Variants in LINGO2 observed in about 807,000 individuals in gnomAD.
LINGO2 encodes the protein leucine rich repeat and Ig domain containing 2.
Under a neutral mutation model 30.6 loss-of-function variants are expected in LINGO2, and 14 were observed. That is an observed-to-expected ratio of 0.46 (90% CI 0.30 to 0.72). LINGO2 has a LOEUF of 0.72. Among genes scored for constraint, LINGO2 ranks in the 30% least tolerant of loss-of-function variants. The pLI is 0.07. For synonymous variants in LINGO2, 317 were observed against 288.5 expected (o/e 1.10, Z -1.00); for missense variants, 729 against 751.7 (o/e 0.97, Z 0.35).
chr9:28,871,971 T>A, the LINGO2 span, among the ~76,000 whole-genome samples: 1 of 152,044 alleles, frequency 6.6e-6, no homozygotes, highest in African/African-American at 2.4e-5. Context: ...CACCAAGATG[T>A]CTTTTACTTG....
rs571931426 is a variant in LINGO2 at position 28,102,589 on chromosome 9, G to A, written c.-86-90184C>T. 2.7e-5 allele frequency among the ~76,000 whole-genome samples: 4 copies of A among 147,494 alleles called. No homozygotes were observed. The South Asian group carries it at 8.4e-4, about 31-fold the overall frequency. ...ATGTGAGAGACTGCAGCTGGGAAGG[G>A]AAAGGGGTTATTAAAAAAAAAATTG... is the stretch of plus-strand genomic sequence containing the variant. On this transcript the variant is annotated intron_variant, in intron 4 of 5. Coordinates refer to ENST00000379992, the Ensembl canonical transcript of LINGO2.
At chr9:28,556,960 C>G (rs1822738759) in intron 1 of LINGO2, among the ~76,000 whole-genome samples, 1 of 152,058 alleles carries the variant, frequency 6.6e-6, no homozygotes, top group Non-Finnish European at 1.5e-5. Context: ...AAAGCTGAAA[C>G]TAGATCCCTT....
chr9:28,516,041 C>T (rs1820606281), intron 1 of LINGO2, among the ~76,000 whole-genome samples: 1 of 152,172 alleles, frequency 6.6e-6, no homozygotes, highest in Admixed American at 6.5e-5. Flanking sequence ...TTGTTGAAGG[C>T]TCACATGATT....
At chr9:28,449,525 TA>T (rs1432240077) in intron 2 of LINGO2, among the ~76,000 whole-genome samples, 8 of 152,128 alleles carry the variant, frequency 5.3e-5, no homozygotes, top group African/African-American at 1.4e-4. Flanking sequence ...AAAAACAAAG[TA>T]AAATGCTATT....
intron 4 of LINGO2, among the ~76,000 whole-genome samples, chr9:28,099,058 C>T (rs1436380555): frequency 2.0e-5 from 3 of 152,142 alleles, no homozygotes; most frequent in African/African-American, 7.2e-5. Context: ...AAACATTATG[C>T]TAATAGCATA....
the LINGO2 span, among the ~76,000 whole-genome samples, chr9:29,022,785 C>A: frequency 0.022 from 3,315 of 152,172 alleles, 117 homozygotes; most frequent in African/African-American, 0.074. Context: ...TCAAAGAGTT[C>A]TCTCTCCCTT....
chr9:28,303,701 AG>A (rs1824235296), intron 3 of LINGO2, among the ~76,000 whole-genome samples: 1 of 152,140 alleles, frequency 6.6e-6, no homozygotes, highest in Admixed American at 6.6e-5. Context: ...AGGAAGAAAA[AG>A]GTATTTACTC....
chr9:28,566,519 C>T (rs1823390245), intron 1 of LINGO2, among the ~76,000 whole-genome samples: 1 of 152,080 alleles, frequency 6.6e-6, no homozygotes, highest in Non-Finnish European at 1.5e-5. Flanking sequence ...ATGTCACGTA[C>T]ATTTGTGTGC....
chr9:28,071,409 G>A (rs751888927), intron 4 of LINGO2, among the ~76,000 whole-genome samples: 1 of 151,728 alleles, frequency 6.6e-6, no homozygotes, highest in Non-Finnish European at 1.5e-5. Context: ...TTCTACTGTT[G>A]GTACCTTTTC....
At chr9:28,695,760 AAAAG>A in the LINGO2 span, among the ~76,000 whole-genome samples, 3 of 151,942 alleles carry the variant, frequency 2.0e-5, no homozygotes, top group South Asian at 6.2e-4. Flanking sequence ...AAAAAAAAAA[AAAAG>A]AAGAATGAGA....
chr9:28,224,882 C>T (rs749342988), intron 4 of LINGO2, among the ~76,000 whole-genome samples: 2 of 152,034 alleles, frequency 1.3e-5, no homozygotes, highest in African/African-American at 4.8e-5. Context: ...AAATATACTA[C>T]TAAGCTATAG....
the LINGO2 span, among the ~76,000 whole-genome samples, chr9:29,175,974 G>C: frequency 2.0e-5 from 3 of 151,920 alleles, no homozygotes; most frequent in African/African-American, 7.3e-5. Flanking sequence ...CCTCTACCTT[G>C]GTATTTATTC....
At chr9:28,521,653 G>A (rs10968638) in intron 1 of LINGO2, among the ~76,000 whole-genome samples, 3,877 of 152,284 alleles carry the variant, frequency 0.025, 112 homozygotes, top group East Asian at 0.1. Context: ...CAAGTGGGGT[G>A]TATGCAGGTG....
At chr9:27,992,568 C>T (rs1032980969) in intron 5 of LINGO2, among the ~76,000 whole-genome samples, 6 of 151,760 alleles carry the variant, frequency 4.0e-5, no homozygotes, top group East Asian at 1.9e-4. Flanking sequence ...TAGGATGCTG[C>T]GGGAGAACAG....
chr9:29,074,893 G>T, the LINGO2 span, among the ~76,000 whole-genome samples: 1 of 151,442 alleles, frequency 6.6e-6, no homozygotes, highest in Non-Finnish European at 1.5e-5. Context: ...AGCCAGGATG[G>T]TCTCAATCTC....
At chr9:29,084,782 T>G in the LINGO2 span, among the ~76,000 whole-genome samples, 2 of 151,990 alleles carry the variant, frequency 1.3e-5, no homozygotes, top group Non-Finnish European at 2.9e-5. Context: ...GACTTAGCAT[T>G]TATGTATGTG....
At chr9:28,678,061 T>C in the LINGO2 span, among the ~76,000 whole-genome samples, 8 of 151,738 alleles carry the variant, frequency 5.3e-5, no homozygotes, top group Non-Finnish European at 8.8e-5. Flanking sequence ...CAATCTATTC[T>C]CTACCTTCCA....
the LINGO2 span, among the ~76,000 whole-genome samples, chr9:28,853,714 A>T: frequency 6.6e-6 from 1 of 151,970 alleles, no homozygotes. Flanking sequence ...CAAGCAGGGG[A>T]TATGCCAGAT....
At chr9:29,165,627 TAGG>T in the LINGO2 span, among the ~76,000 whole-genome samples, 1 of 152,066 alleles carries the variant, frequency 6.6e-6, no homozygotes, top group African/African-American at 2.4e-5. Flanking sequence ...GACTATAAAA[TAGG>T]AGAAGAAACT....
Sources: allele counts gnomAD v4.1 joint callset (sites outside exome capture counted in the v4.1 genomes callset), GRCh38; gene constraint gnomAD v4.1.1; transcripts MANE v1.5; gene names NCBI Gene and HGNC (gene_info 2026-07-23, HGNC 2026-07-21).